The following PCDH11X variants were observed in gnomAD, a reference collection of about 807,000 sequenced individuals.
The protein encoded by PCDH11X is protocadherin 11 X-linked, also known as protocadherin-11 X-linked.
PCDH11X carries 18 observed loss-of-function variants against 53.3 expected under a neutral mutation model. The ratio of observed to expected loss-of-function variants is 0.34; its 90% confidence interval spans 0.23 to 0.50. PCDH11X has a LOEUF of 0.50. Among genes scored for constraint, PCDH11X ranks in the 20% least tolerant of loss-of-function variants. The probability of loss-of-function intolerance (pLI) is 0.98; values close to 1 mark genes in which losing one functional copy is unlikely to be tolerated. For synonymous variants in PCDH11X, 279 were observed against 393.3 expected (o/e 0.71, Z 3.44); for missense variants, 570 against 1,032.4 (o/e 0.55, Z 6.14).
intron 7 of PCDH11X, among the ~76,000 whole-genome samples, chrX:92,222,309 G>A (rs2066896642): frequency 9.0e-6 from 1 of 111,662 alleles, no homozygotes; most frequent in Non-Finnish European, 1.9e-5. Context: ...ATGTCGGATT[G>A]CCCTATTTAA....
chrX:92,205,327 T>C (rs2066456347), intron 7 of PCDH11X, among the ~76,000 whole-genome samples: 1 of 111,749 alleles, frequency 8.9e-6, no homozygotes, highest in African/African-American at 3.2e-5. Context: ...AAAGCAAACA[T>C]AATATAATAA....
chrX:92,308,586 T>A (rs193258433), intron 8 of PCDH11X, among the ~76,000 whole-genome samples: 1 of 111,194 alleles, frequency 9.0e-6, no homozygotes, highest in African/African-American at 3.3e-5. Context: ...TTACATTAGA[T>A]TTGATAATGA....
At chrX:92,418,314 G>A (rs1250272982) in intron 9 of PCDH11X, among the ~76,000 whole-genome samples, 1 of 110,685 alleles carries the variant, frequency 9.0e-6, no homozygotes, top group African/African-American at 3.3e-5. Flanking sequence ...AAACGGCCAG[G>A]TAATCACAAA....
intron 6 of PCDH11X, among the ~76,000 whole-genome samples, chrX:92,187,013 A>G (rs1046892338): frequency 8.9e-6 from 1 of 112,042 alleles, no homozygotes; most frequent in Non-Finnish European, 1.9e-5. Flanking sequence ...TCAAAATATC[A>G]GTGGTTTGAA....
chrX:92,024,055 A>G (rs772748536), intron 6 of PCDH11X, among the ~76,000 whole-genome samples: 5 of 107,622 alleles, frequency 4.6e-5, no homozygotes, highest in African/African-American at 1.7e-4. Flanking sequence ...CACAGCCAAT[A>G]TCATACTCAA....
At chrX:92,003,929 G>C (rs758435886) in intron 6 of PCDH11X, among the ~76,000 whole-genome samples, 12 of 109,274 alleles carry the variant, frequency 1.1e-4, no homozygotes, top group Non-Finnish European at 2.1e-4. Flanking sequence ...TACTAACTTT[G>C]GTTTGATTTG....
intron 10 of PCDH11X, among the ~76,000 whole-genome samples, chrX:92,523,760 G>T (rs928533190): frequency 9.0e-6 from 1 of 111,510 alleles, no homozygotes; most frequent in Non-Finnish European, 1.9e-5. Context: ...TGCCTTTCTG[G>T]TAGTTCGCAT....
intron 6 of PCDH11X, among the ~76,000 whole-genome samples, chrX:92,147,806 C>CTTTCTTTCTTTCTTT (rs1569387844): frequency 4.6e-5 from 3 of 65,270 alleles, no homozygotes; most frequent in Non-Finnish European, 7.9e-5. Flanking sequence ...TTCTTTTCTT[C>CTTTCTTTCTTTCTTT]CTTCCTTTCT....
intron 8 of PCDH11X, among the ~76,000 whole-genome samples, chrX:92,378,261 G>A (rs1408144528): frequency 9.3e-6 from 1 of 107,660 alleles, no homozygotes; most frequent in Non-Finnish European, 1.9e-5. Context: ...CTTGTTTAAT[G>A]GTCCTCTAAT....
intron 4 of PCDH11X, among the ~76,000 whole-genome samples, chrX:91,819,646 T>C (rs1936573526): frequency 9.1e-6 from 1 of 109,491 alleles, no homozygotes. Flanking sequence ...TTTTTTCCTT[T>C]CTTTTTTTTA....
chrX:91,913,135 G>T (rs1327420828), intron 6 of PCDH11X, among the ~76,000 whole-genome samples: 1 of 111,074 alleles, frequency 9.0e-6, no homozygotes, highest in African/African-American at 3.3e-5. Flanking sequence ...ATTGGGGAGG[G>T]ATTATGGGGT....
chrX:92,582,983 G>A (rs1923888289), intron 10 of PCDH11X, among the ~76,000 whole-genome samples: 1 of 110,968 alleles, frequency 9.0e-6, no homozygotes, highest in Admixed American at 9.6e-5. Context: ...TTTGGAATGA[G>A]TGTATTTATC....
rs1255772361 is a variant in PCDH11X at position 92,468,122 on chromosome X, A to G, written c.3344-177A>G. The stretch of plus-strand genomic sequence containing the variant: ...ATTCTATAAAAATGTATTACAAAAT[A>G]CAAATGCGAAGGAGCAGCAGTCCTA... On this transcript the variant is annotated intron_variant, in intron 9 of 10. Transcript: ENST00000682573. 9.8e-6 allele frequency: 5 copies of G among 508,669 alleles called. No individual in the cohort carries two copies. The East Asian group carries it at 5.4e-4, about 55-fold the overall frequency. The allele number at this position is 508,669 out of a possible 1,213,427, so 41.9% of individuals were successfully genotyped here. A position where few individuals can be genotyped will look rare whatever the true frequency, so the allele number is the denominator to read the frequency against.
At chrX:91,900,163 C>T (rs1940900818) in intron 6 of PCDH11X, among the ~76,000 whole-genome samples, 1 of 110,864 alleles carries the variant, frequency 9.0e-6, no homozygotes, top group Non-Finnish European at 1.9e-5. Flanking sequence ...GGTTTCATCT[C>T]GGTAGTCGGG....
chrX:92,114,595 G>T, intron 6 of PCDH11X: 1 of 398,078 alleles, frequency 2.5e-6, no homozygotes, highest in South Asian at 3.8e-5. Context: ...TTTCCTAAAG[G>T]CAAAGATCAA....
In PCDH11X at chrX:92,462,001, C is replaced by G. The variant is rs1389759097; in HGVS notation, c.3344-6298C>G. Among the ~76,000 whole-genome samples the G allele has an allele frequency of 2.7e-5, 3 of 112,194 alleles. No homozygotes were observed. The Admixed American group carries it at 2.8e-4, about 11-fold the overall frequency. On this transcript the variant is annotated intron_variant, in intron 9 of 10. Transcript: ENST00000682573. ...TCCATTTACTTATGCAATATAGAGA[C>G]TTTAATTACCTACTGTTTTCTTTAT...
At chrX:92,019,836 C>G (rs775830158) in intron 6 of PCDH11X, among the ~76,000 whole-genome samples, 2 of 111,760 alleles carry the variant, frequency 1.8e-5, no homozygotes, top group South Asian at 7.6e-4. Flanking sequence ...AGAACCATAA[C>G]AGCATGCAAA....
At chrX:92,204,957 G>T (rs750475768) in intron 7 of PCDH11X, among the ~76,000 whole-genome samples, 1 of 111,616 alleles carries the variant, frequency 9.0e-6, no homozygotes, top group Non-Finnish European at 1.9e-5. Flanking sequence ...CATGAGAACA[G>T]CATGGGGTAA....
At chrX:91,864,376 T>TTGTGTGTGTG (rs751742042) in intron 5 of PCDH11X, among the ~76,000 whole-genome samples, 91 of 94,793 alleles carry the variant, frequency 9.6e-4, no homozygotes, top group Middle Eastern at 0.011. Flanking sequence ...TGGAGCTCCA[T>TTGTGTGTGTG]TGTGTGTGTG....
Sources: gnomAD v4.1 joint callset for allele counts (sites outside exome capture counted in the v4.1 genomes callset) on GRCh38, gnomAD v4.1.1 for gene constraint, MANE v1.5 for transcripts, NCBI Gene and HGNC (gene_info 2026-07-23, HGNC 2026-07-21) for gene names.